The following CCDC88B variants were observed in gnomAD, a reference collection of about 807,000 sequenced individuals.
CCDC88B encodes coiled-coil domain-containing protein 88B.
In CCDC88B, 138 loss-of-function variants were observed where a neutral mutation model predicts 183.7. That is an observed-to-expected ratio of 0.75 (90% confidence interval 0.65 to 0.87). The LOEUF (loss-of-function observed/expected upper bound fraction) is 0.87, where lower values mean the gene tolerates loss of function less well. Among genes scored for constraint, CCDC88B ranks in the 40% least tolerant of loss-of-function variants. The pLI is 0.00. For missense variants in CCDC88B, 1,822 were observed against 1,965.6 expected (o/e 0.93, Z 1.38); for synonymous variants, 835 against 867.5 (o/e 0.96, Z 0.66).
intron 2 of CCDC88B, 25 bp downstream of exon 2, chr11:64,340,777 T>C (rs1377239461): frequency 6.3e-7 from 1 of 1,581,306 alleles, no homozygotes; most frequent in East Asian, 2.3e-5. Context: ...GCCGGGGCGG[T>C]GGCGGGGAAG....
rs1591301626 is a variant in CCDC88B, at chr11:64,355,181, G to A, written c.4100-13G>A. 2 of 1,449,504 alleles carry A rather than the reference G, an allele frequency of 1.4e-6. No homozygotes were observed. The highest frequency in any genetic ancestry group is 9.1e-7 in the Non-Finnish European group (1 of 1,102,010). 89.8% of individuals were successfully genotyped at this position (1,449,504 alleles called of 1,614,324 possible). A position where few individuals can be genotyped will look rare whatever the true frequency, so the allele number is the denominator to read the frequency against. ...CCCTCCTCTCACCCCCTCCCTGCAT[G>A]TACCTCTTGCAGGGTCCCCTTCCCC... On this transcript the variant is annotated splice_polypyrimidine_tract_variant and intron_variant, in intron 24 of 26. Coordinates refer to ENST00000356786, the MANE Select transcript of CCDC88B (RefSeq NM_032251.6).
chr11:64,344,961 C>T lies in CCDC88B; in HGVS notation c.2420C>T (p.Ala807Val), dbSNP rs1202577643. The change falls in exon 14 of 27, where the codon GCG (alanine) becomes GTG (valine). Residue 807 changes from alanine to valine, a missense_variant. By Grantham distance (64) the Ala-to-Val change is moderately conservative (BLOSUM62 0). Transcript: ENST00000356786. The surrounding 1 kb of genome is among the most constrained non-coding windows in gnomAD (Gnocchi z 4.5). ...GCTGCTGGCCAGGAGCTGGAGTCTGCGTCCCAGGAACGGGAGGCGCTGGTG... is the reference window on the plus strand; with the variant it reads ...GCTGCTGGCCAGGAGCTGGAGTCTGTGTCCCAGGAACGGGAGGCGCTGGTG... ...VEAAGQELES[A>V]SQEREALVEA... The T allele has an allele frequency of 9.0e-6, 14 of 1,551,116 alleles. No individual in the cohort carries two copies. The highest frequency in any genetic ancestry group is 8.2e-5 in the African/African-American group (6 of 73,336).
At position 64,341,522 on chromosome 11, in the gene CCDC88B, C is replaced by T. The variant is rs1271259776; in HGVS notation, c.531+18C>T. 9 of 1,613,398 alleles carry T rather than the reference C, an allele frequency of 5.6e-6. No individual in the cohort carries two copies. The highest frequency in any genetic ancestry group is 7.6e-6 in the Non-Finnish European group (9 of 1,179,918). On this transcript the variant is annotated intron_variant, in intron 6 of 26. Transcript: ENST00000356786. ...TCCAGGAGGTACTGAGACGGTTCGGCAGCCCAGACTGGTATGGCACCTGGG... is the reference window on the plus strand; with the variant it reads ...TCCAGGAGGTACTGAGACGGTTCGGTAGCCCAGACTGGTATGGCACCTGGG...
Position 64,341,516 on chromosome 11 carries a change from G to C in CCDC88B, c.531+12G>C. ...CTGCCATCCAGGAGGTACTGAGACG[G>C]TTCGGCAGCCCAGACTGGTATGGCA... On this transcript the variant is annotated intron_variant, in intron 6 of 26. Coordinates refer to ENST00000356786, the MANE Select transcript of CCDC88B (RefSeq NM_032251.6). 6.2e-7 allele frequency: 1 copy of C among 1,613,530 alleles called. No homozygotes were observed. Among genetic ancestry groups the C allele is most frequent in the South Asian group, 1.1e-5 (1 of 91,082 alleles).
chr11:64,352,900 C>G lies in CCDC88B; in HGVS notation c.3500+13C>G. Reference sequence around the variant, plus strand: ...GCGAGCACGACAGGTGCCGCCCCTGCCACAGCCTCTAGCAGCTCTCAGTGG... The same window carrying G: ...GCGAGCACGACAGGTGCCGCCCCTGGCACAGCCTCTAGCAGCTCTCAGTGG... On this transcript the variant is annotated intron_variant, in intron 20 of 26. Transcript: ENST00000356786. The G allele has an allele frequency of 6.4e-7, 1 of 1,567,804 alleles. No homozygotes were observed.
At position 64,340,221 on chromosome 11, in the gene CCDC88B, A is replaced by T; in HGVS notation, c.-46A>T. On this transcript the variant is annotated 5_prime_UTR_variant, in exon 1 of 27. Coordinates refer to ENST00000356786, the MANE Select transcript of CCDC88B (RefSeq NM_032251.6). ...CACTCGGGGACTTCCTCTTCCTCTC[A>T]GGGCAGGTGCAGCTGCCACAGTGAG... 4 of 1,188,582 alleles carry T rather than the reference A, an allele frequency of 3.4e-6. No individual in the cohort carries two copies. The highest frequency in any genetic ancestry group is 4.3e-6 in the Non-Finnish European group (4 of 926,026). The allele number at this position is 1,188,582 out of a possible 1,614,324, so 73.6% of individuals were successfully genotyped here.
Position 64,344,457 on chromosome 11 carries a change from G to C in CCDC88B, c.1916G>C (p.Trp639Ser). 6.3e-7 allele frequency: 1 copy of C among 1,593,280 alleles called. No homozygotes were observed. Among genetic ancestry groups the C allele is most frequent in the African/African-American group, 1.4e-5 (1 of 73,866 alleles). Residue 639 changes from tryptophan to serine, a missense_variant, in exon 14 of 27, where the codon TGG (tryptophan) becomes TCG (serine). Physicochemically the swap from Trp to Ser is radical, Grantham distance 177. Transcript: ENST00000356786. The surrounding 1 kb of genome is among the most constrained non-coding windows in gnomAD (Gnocchi z 4.5). ...CAAGGCGAGTTGGTGCCTGAGGCCTGGGGGTTGAGACAGGAGGGCCCTGAG... is the reference window on the plus strand; with the variant it reads ...CAAGGCGAGTTGGTGCCTGAGGCCTCGGGGTTGAGACAGGAGGGCCCTGAG... ...APQGELVPEA[W>S]GLRQEGPEHK... is the part of the protein sequence containing the mutation.
In CCDC88B at chr11:64,352,284, A is replaced by G. The variant is rs1179404772; in HGVS notation, c.3254A>G (p.Gln1085Arg). ...GACCACAAGGCCCTGGCACAGCTGC[A>G]GCGGCGGCAGGAGGCCGAGCTAGAG... ...LRDHKALAQL[Q>R]RRQEAELEGL... Residue 1085 changes from glutamine to arginine, a missense_variant, in exon 19 of 27, where the codon CAG (glutamine) becomes CGG (arginine). Physicochemically the swap from Gln to Arg is conservative, Grantham distance 43 (BLOSUM62 1). Coordinates refer to ENST00000356786, the MANE Select transcript of CCDC88B (RefSeq NM_032251.6). 1 of 1,581,456 alleles carries G rather than the reference A, an allele frequency of 6.3e-7. No homozygotes were observed.
In CCDC88B at chr11:64,344,221, T is replaced by A. The variant is rs2036005362; in HGVS notation, c.1680T>A (p.Ser560Arg). 16 of 1,611,124 alleles carry A rather than the reference T, an allele frequency of 9.9e-6. No individual in the cohort carries two copies. Among genetic ancestry groups the A allele is most frequent in the Non-Finnish European group, 1.4e-5 (16 of 1,179,022 alleles). The change falls in exon 14 of 27, where the codon AGT (serine) becomes AGA (arginine). Residue 560 changes from serine to arginine, a missense_variant. Physicochemically the swap from Ser to Arg is moderately radical, Grantham distance 110 (BLOSUM62 -1). Coordinates refer to ENST00000356786, the MANE Select transcript of CCDC88B (RefSeq NM_032251.6). This position sits in a 1 kb window ranked among gnomAD's most constrained non-coding sequence, Gnocchi z 4.5. ...APDSDPQEAE[S>R]PLQAAAMDPQ... ...ATTCAGACCCACAGGAGGCAGAGAG[T>A]CCCCTTCAGGCAGCTGCCATGGACC...
At chr11:64,346,531 C>T (rs779524860) in intron 14 of CCDC88B, among the ~76,000 whole-genome samples, 2 of 151,974 alleles carry the variant, frequency 1.3e-5, no homozygotes, top group Non-Finnish European at 2.9e-5. Flanking sequence ...AGCTCCGCCT[C>T]CCAGGTTCAC....
At chr11:64,348,470 A>T (rs2036203896) in intron 14 of CCDC88B, among the ~76,000 whole-genome samples, 1 of 152,168 alleles carries the variant, frequency 6.6e-6, no homozygotes, top group South Asian at 2.1e-4. Flanking sequence ...CTCCTACCCC[A>T]GTACTTGCGC....
At chr11:64,353,866 C>T (rs1415150358) in intron 23 of CCDC88B, 53 bp downstream of exon 23, 2 of 1,605,560 alleles carry the variant, frequency 1.2e-6, no homozygotes, top group African/African-American at 1.3e-5. Flanking sequence ...ACCTCTGCCC[C>T]TGCCCTGGCC....
At position 64,343,604 on chromosome 11, in the gene CCDC88B, C is replaced by G. The variant is rs199688259; in HGVS notation, c.1307C>G (p.Ser436Cys). The G allele has an allele frequency of 3.1e-4, 486 of 1,551,424 alleles. 3 individuals are homozygous for G. In the East Asian group the frequency reaches 0.011, roughly 34 times the overall value. The part of the protein sequence containing the change: ...LQRSLEPPPG[S>C]PGEAPLAGAA... ...CGGAGCTTGGAGCCACCTCCAGGAT[C>G]CCCTGGGGAGGGTGAGGGACCCCAC... Residue 436 changes from serine (S) to cysteine (C), a missense_variant, in exon 12 of 27, where the codon TCC (serine) becomes TGC (cysteine). Physicochemically the swap from Ser to Cys is moderately radical, Grantham distance 112. Transcript: ENST00000356786.
chr11:64,349,130 A>G, intron 14 of CCDC88B: 2 of 738,440 alleles, frequency 2.7e-6, no homozygotes, highest in Non-Finnish European at 4.9e-6. Flanking sequence ...CAGGCTTACA[A>G]CACCCAGCTC....
chr11:64,342,815 C>A, intron 10 of CCDC88B, 135 bp downstream of exon 10: 1 of 1,044,600 alleles, frequency 9.6e-7, no homozygotes. Flanking sequence ...TGGGTGAGGA[C>A]AAATTCAGGG....
intron 14 of CCDC88B, among the ~76,000 whole-genome samples, chr11:64,345,937 G>A (rs553673461): frequency 3.3e-5 from 5 of 152,324 alleles, no homozygotes; most frequent in South Asian, 2.1e-4. Context: ...CCCGGAAGGC[G>A]GAGGTTGCAG....
At chr11:64,345,289 C>T in intron 14 of CCDC88B, 132 bp downstream of exon 14, 2 of 1,040,376 alleles carry the variant, frequency 1.9e-6, no homozygotes, top group Non-Finnish European at 2.7e-6. Flanking sequence ...AAGGCCAAGT[C>T]CACCCCTGCC....
intron 7 of CCDC88B, 43 bp from the exon 8 acceptor site, chr11:64,341,951 G>A: frequency 6.2e-7 from 1 of 1,610,842 alleles, no homozygotes; most frequent in Non-Finnish European, 8.5e-7. Flanking sequence ...ATGTGCAGAG[G>A]CATTGGATAA....
At chr11:64,348,863 G>C in intron 14 of CCDC88B, 219 of 562,780 alleles carry the variant, frequency 3.9e-4, no homozygotes, top group East Asian at 5.5e-4. Context: ...TGCCCCCCCA[G>C]CCCCCACTGT....
Sources: allele counts gnomAD v4.1 joint callset (sites outside exome capture counted in the v4.1 genomes callset), GRCh38; gene constraint gnomAD v4.1.1; non-coding constraint Gnocchi (gnomAD v3.1); transcripts MANE v1.5; gene names NCBI Gene and HGNC (gene_info 2026-07-23, HGNC 2026-07-21).